The following ARHGAP44 variants were observed in gnomAD, a reference collection of about 807,000 sequenced individuals.
ARHGAP44 encodes the protein Rho GTPase activating protein 44, also known as rho GTPase-activating protein 44.
ARHGAP44 carries 43 observed loss-of-function variants against 106.8 expected under a neutral mutation model. That is an observed-to-expected ratio of 0.40 (90% CI 0.32 to 0.52). The LOEUF is 0.52. Ranked by LOEUF, ARHGAP44 falls within the 20% of genes least tolerant of loss-of-function variation. The probability of loss-of-function intolerance (pLI) is 0.48; values close to 1 mark genes in which losing one functional copy is unlikely to be tolerated. For missense variants in ARHGAP44, 866 were observed against 1,050.5 expected (o/e 0.82, Z 2.43); for synonymous variants, 439 against 410.3 (o/e 1.07, Z -0.85).
At chr17:12,876,897 G>T (rs1329359396) in intron 1 of ARHGAP44, among the ~76,000 whole-genome samples, 5 of 138,974 alleles carry the variant, frequency 3.6e-5, no homozygotes, top group African/African-American at 1.4e-4. Flanking sequence ...GTGACAGAGT[G>T]AGACTCCGTC....
intron 1 of ARHGAP44, among the ~76,000 whole-genome samples, chr17:12,874,859 G>A (rs1196583150): frequency 6.6e-6 from 1 of 151,692 alleles, no homozygotes; most frequent in Non-Finnish European, 1.5e-5. Flanking sequence ...ATCCCACGAA[G>A]GATTGTCTGG....
intron 1 of ARHGAP44, among the ~76,000 whole-genome samples, chr17:12,867,421 G>T (rs1034637474): frequency 6.6e-6 from 1 of 152,086 alleles, no homozygotes; most frequent in African/African-American, 2.4e-5. Flanking sequence ...TCTTGTCTTG[G>T]TCCTCTCACC....
At chr17:12,912,981 T>G (rs1459446220) in intron 4 of ARHGAP44, among the ~76,000 whole-genome samples, 3 of 151,994 alleles carry the variant, frequency 2.0e-5, no homozygotes. Flanking sequence ...GAATGTCCAA[T>G]ACAAGACAGA....
intron 1 of ARHGAP44, among the ~76,000 whole-genome samples, chr17:12,877,357 G>A (rs537884902): frequency 6.6e-5 from 10 of 151,946 alleles, no homozygotes; most frequent in Non-Finnish European, 1.0e-4. Context: ...GGAAAATAGG[G>A]GTGTCTACAA....
intron 1 of ARHGAP44, among the ~76,000 whole-genome samples, chr17:12,845,462 C>T (rs188185464): frequency 1.4e-5 from 2 of 145,390 alleles, no homozygotes; most frequent in African/African-American, 2.6e-5. Context: ...GAGCCGAGAT[C>T]GCGCCATTGC....
chr17:12,855,007 A>G (rs971406855), intron 1 of ARHGAP44, among the ~76,000 whole-genome samples: 15 of 151,598 alleles, frequency 9.9e-5, no homozygotes, highest in Non-Finnish European at 1.5e-4. Context: ...ATGTCCACAC[A>G]TGTCTGTATA....
At chr17:12,879,416 C>T (rs1371003799) in intron 1 of ARHGAP44, among the ~76,000 whole-genome samples, 1 of 152,050 alleles carries the variant, frequency 6.6e-6, no homozygotes, top group Non-Finnish European at 1.5e-5. Context: ...GCAAATTGTG[C>T]TGCTATAAAC....
At chr17:12,861,285 C>A (rs994131489) in intron 1 of ARHGAP44, among the ~76,000 whole-genome samples, 2 of 152,148 alleles carry the variant, frequency 1.3e-5, no homozygotes, top group African/African-American at 4.8e-5. Context: ...CCACCGTGTG[C>A]CTGGCCATGG....
In ARHGAP44 at chr17:12,990,277, C is replaced by G; in HGVS notation, c.*106C>G. 1.4e-6 allele frequency: 2 copies of G among 1,398,526 alleles called. No individual in the cohort carries two copies. The highest frequency in any genetic ancestry group is 1.9e-6 in the Non-Finnish European group (2 of 1,041,930). 86.6% of individuals were successfully genotyped at this position (1,398,526 alleles called of 1,614,324 possible). A position where few individuals can be genotyped will look rare whatever the true frequency, so the allele number is the denominator to read the frequency against. On this transcript the variant is annotated 3_prime_UTR_variant, in exon 21 of 21. Coordinates refer to ENST00000379672, the MANE Select transcript of ARHGAP44 (RefSeq NM_014859.6). ...GCCAAGTGTTCTCTGCTGGCTCTTT[C>G]CTGCCACTGCCAACACGAGGTTGGA...
chr17:12,933,839 C>T (rs1421809857), intron 7 of ARHGAP44, among the ~76,000 whole-genome samples: 1 of 143,648 alleles, frequency 7.0e-6, no homozygotes, highest in African/African-American at 2.6e-5. Flanking sequence ...CATATTTCAT[C>T]ACATAAATTC....
intron 1 of ARHGAP44, among the ~76,000 whole-genome samples, chr17:12,821,686 A>T (rs1202293746): frequency 1.3e-5 from 2 of 152,108 alleles, no homozygotes; most frequent in African/African-American, 4.8e-5. Context: ...ATCAAAACAG[A>T]GCATTATGTT....
intron 1 of ARHGAP44, among the ~76,000 whole-genome samples, chr17:12,816,330 C>T (rs2034595903): frequency 1.3e-5 from 2 of 152,062 alleles, no homozygotes; most frequent in African/African-American, 4.8e-5. Flanking sequence ...AGGTATAAAA[C>T]TAACCATACA....
intron 10 of ARHGAP44, among the ~76,000 whole-genome samples, chr17:12,948,653 G>A (rs1389014490): frequency 1.3e-5 from 2 of 150,922 alleles, no homozygotes; most frequent in Non-Finnish European, 2.9e-5. Context: ...CCAGGCAACC[G>A]AGCCAGACTC....
intron 19 of ARHGAP44, 39 bp from the exon 20 acceptor site, chr17:12,984,492 A>G: frequency 6.7e-7 from 1 of 1,501,734 alleles, no homozygotes; most frequent in Non-Finnish European, 8.8e-7. Context: ...TCATTCAACA[A>G]CTTTGTGTTT....
chr17:12,990,408 T>G lies in ARHGAP44; in HGVS notation c.*237T>G. ...TTCGGCCTTTTGTTTGACCTTTGCCTTTTGACTTTGTGCCTCTTTTGATCC... is the reference window on the plus strand; with the variant it reads ...TTCGGCCTTTTGTTTGACCTTTGCCGTTTGACTTTGTGCCTCTTTTGATCC... On this transcript the variant is annotated 3_prime_UTR_variant, in exon 21 of 21. Coordinates refer to ENST00000379672, the MANE Select transcript of ARHGAP44 (RefSeq NM_014859.6). The G allele has an allele frequency of 2.0e-6, 1 of 493,828 alleles. No individual in the cohort carries two copies. Among genetic ancestry groups the G allele is most frequent in the Non-Finnish European group, 3.6e-6 (1 of 275,310 alleles). The allele number at this position is 493,828 out of a possible 1,614,324, so 30.6% of individuals were successfully genotyped here.
At chr17:12,957,156 C>T (rs2039150260) in intron 15 of ARHGAP44, among the ~76,000 whole-genome samples, 1 of 152,120 alleles carries the variant, frequency 6.6e-6, no homozygotes, top group African/African-American at 2.4e-5. Flanking sequence ...CGGGGTTTCT[C>T]CATGTCGCTC....
chr17:12,831,224 G>C (rs912486889), intron 1 of ARHGAP44, among the ~76,000 whole-genome samples: 1 of 152,176 alleles, frequency 6.6e-6, no homozygotes, highest in Admixed American at 6.5e-5. Flanking sequence ...TCTTAAGCCT[G>C]CACAGCTAGT....
intron 8 of ARHGAP44, among the ~76,000 whole-genome samples, chr17:12,942,853 A>G (rs1439816104): frequency 6.6e-6 from 1 of 152,242 alleles, no homozygotes; most frequent in African/African-American, 2.4e-5. Context: ...GGGATGGTCA[A>G]AATAGAATAC....
chr17:12,839,341 C>G (rs2035329011), intron 1 of ARHGAP44, among the ~76,000 whole-genome samples: 1 of 152,190 alleles, frequency 6.6e-6, no homozygotes, highest in Non-Finnish European at 1.5e-5. Flanking sequence ...CTTCTTTAAC[C>G]TGGGCCTTGC....
Sources: allele counts gnomAD v4.1 joint callset (sites outside exome capture counted in the v4.1 genomes callset), GRCh38; gene constraint gnomAD v4.1.1; transcripts MANE v1.5; gene names NCBI Gene and HGNC (gene_info 2026-07-23, HGNC 2026-07-21).